Variants in STUM observed in about 807,000 individuals in gnomAD.
STUM encodes the protein stum, mechanosensory transduction mediator homolog.
A neutral mutation model predicts 15.3 loss-of-function variants in STUM; 8 were observed. The ratio of observed to expected loss-of-function variants is 0.52; its 90% CI spans 0.31 to 0.94. The LOEUF (loss-of-function observed/expected upper bound fraction) is 0.94, where lower values mean the gene tolerates loss of function less well. STUM is among the 40% of genes least tolerant of loss of function. The pLI is 0.05. For synonymous variants in STUM, 78 were observed against 88.7 expected (o/e 0.88, Z 0.68); for missense variants, 142 against 204.9 (o/e 0.69, Z 1.87).
At chr1:226,590,598 A>G (rs1335866123) in intron 1 of STUM, among the ~76,000 whole-genome samples, 1 of 151,930 alleles carries the variant, frequency 6.6e-6, no homozygotes, top group Non-Finnish European at 1.5e-5. Context: ...ACTTCCAACC[A>G]CTACTTGAAA....
At chr1:226,557,281 T>C (rs971189015) in intron 1 of STUM, among the ~76,000 whole-genome samples, 14 of 152,364 alleles carry the variant, frequency 9.2e-5, no homozygotes, top group African/African-American at 3.4e-4. Context: ...TTCAGTTCCA[T>C]TCATGTTGTT....
Position 226,575,403 on chromosome 1 carries a change from G to A in STUM, c.203-21399G>A, listed in dbSNP as rs190356912. ...GGTTCCCAGAAAGACAGATTGGCCT[G>A]GTCTGACGCTCCAGCAGGCTGCCCT... On this transcript the variant is annotated intron_variant, in intron 1 of 3. Coordinates refer to ENST00000366788, the MANE Select transcript of STUM (RefSeq NM_001003665.4). Among the ~76,000 whole-genome samples, 5 of 152,378 alleles carry A rather than the reference G, an allele frequency of 3.3e-5. No individual in the cohort carries two copies. In the East Asian group the frequency reaches 9.6e-4, roughly 29 times the overall value.
Position 226,596,921 on chromosome 1 carries a change from A to G in STUM, c.322A>G (p.Ile108Val). 3 of 1,614,214 alleles carry G rather than the reference A, an allele frequency of 1.9e-6. No homozygotes were observed. Among genetic ancestry groups the G allele is most frequent in the Non-Finnish European group, 2.5e-6 (3 of 1,180,034 alleles). ...AGCCCTCATCCAAATCCTCACTGCC[A>G]TCGTCATGGTGGGCTGGATCATGAG... is the stretch of plus-strand genomic sequence containing the variant. ...AAALIQILTAIVMVGWIMSIF... is the reference protein window; with the variant it reads ...AAALIQILTAVVMVGWIMSIF... Residue 108 changes from isoleucine (I) to valine (V), a missense_variant, in exon 2 of 4, where the codon ATC becomes GTC. Ile to Val is a conservative substitution (Grantham distance 29). Coordinates refer to ENST00000366788, the MANE Select transcript of STUM (RefSeq NM_001003665.4).
intron 1 of STUM, among the ~76,000 whole-genome samples, chr1:226,566,546 G>A (rs1021645833): frequency 6.6e-6 from 1 of 152,112 alleles, no homozygotes; most frequent in Non-Finnish European, 1.5e-5. Context: ...TAATAAATTA[G>A]TATTTCAGCA....
At chr1:226,571,209 A>G (rs755391490) in intron 1 of STUM, among the ~76,000 whole-genome samples, 1 of 152,144 alleles carries the variant, frequency 6.6e-6, no homozygotes, top group African/African-American at 2.4e-5. Context: ...CCAGCCTGGG[A>G]GACAGCGTGA....
Position 226,549,084 on chromosome 1 carries a change from C to T in STUM, c.180C>T (p.Leu60=), listed in dbSNP as rs765417069. The change falls in exon 1 of 4, where the codon CTC becomes CTT. Residue 60 remains leucine (L), a synonymous_variant. Transcript: ENST00000366788. This position sits in a 1 kb window ranked among gnomAD's most constrained non-coding sequence, Gnocchi z 6.8. ...PFPVAVICLF[L]NTFVPGLGTF... Reference sequence around the variant, plus strand: ...CCGTGGCCGTCATCTGCCTCTTCCTCAACACTTTCGTGCCGGGACTGGGTA... The same window carrying T: ...CCGTGGCCGTCATCTGCCTCTTCCTTAACACTTTCGTGCCGGGACTGGGTA... The T allele has an allele frequency of 1.9e-6, 3 of 1,580,422 alleles. No individual in the cohort carries two copies. The Admixed American group carries it at 5.4e-5, about 28-fold the overall frequency.
chr1:226,589,789 A>G (rs1258180403), intron 1 of STUM, among the ~76,000 whole-genome samples: 1 of 152,084 alleles, frequency 6.6e-6, no homozygotes, highest in Non-Finnish European at 1.5e-5. Context: ...TCCCCGCTCC[A>G]GCCCTGAGTC....
intron 1 of STUM, among the ~76,000 whole-genome samples, chr1:226,589,750 C>T (rs1668056110): frequency 6.6e-6 from 1 of 152,230 alleles, no homozygotes; most frequent in African/African-American, 2.4e-5. Flanking sequence ...CCAGCCTCAG[C>T]CTCCCTGTCC....
At chr1:226,559,582 G>A (rs1571794397) in intron 1 of STUM, among the ~76,000 whole-genome samples, 1 of 152,156 alleles carries the variant, frequency 6.6e-6, no homozygotes, top group East Asian at 1.9e-4. Flanking sequence ...ATCAATCAAT[G>A]CCTGCCACCA....
intron 1 of STUM, among the ~76,000 whole-genome samples, chr1:226,563,757 C>T (rs576889055): frequency 1.2e-4 from 19 of 152,262 alleles, no homozygotes; most frequent in Admixed American, 5.9e-4. Flanking sequence ...CAACCAGTGA[C>T]TTTGCCATGC....
chr1:226,550,752 G>T (rs1414894343), intron 1 of STUM, among the ~76,000 whole-genome samples: 1 of 152,130 alleles, frequency 6.6e-6, no homozygotes, highest in African/African-American at 2.4e-5. Context: ...AGCTGCCCAC[G>T]CATGTACCTG....
Position 226,567,678 on chromosome 1 carries a change from G to T in STUM, c.202+18572G>T, listed in dbSNP as rs1395883167. ...TTTTCTAATAGCCAAACACACATTG[G>T]AGAAGAAATGACAAATAAAAGCATT... On this transcript the variant is annotated intron_variant, in intron 1 of 3. Coordinates refer to ENST00000366788, the MANE Select transcript of STUM (RefSeq NM_001003665.4). The surrounding 1 kb of genome is among the most constrained non-coding windows in gnomAD (Gnocchi z 4.5). Among the ~76,000 whole-genome samples, 4 of 152,180 alleles carry T rather than the reference G, an allele frequency of 2.6e-5. No individual in the cohort carries two copies. The highest frequency in any genetic ancestry group is 9.7e-5 in the African/African-American group (4 of 41,450).
intron 1 of STUM, among the ~76,000 whole-genome samples, chr1:226,578,439 A>T (rs1202411090): frequency 7.2e-6 from 1 of 139,142 alleles, no homozygotes; most frequent in Non-Finnish European, 1.5e-5. Context: ...ATCACAGGTC[A>T]CTTGCAGCCT....
intron 1 of STUM, among the ~76,000 whole-genome samples, chr1:226,562,876 A>G (rs1266423070): frequency 6.6e-6 from 1 of 152,252 alleles, no homozygotes; most frequent in Non-Finnish European, 1.5e-5. Context: ...GAAATATTGT[A>G]TCAATATTTA....
At chr1:226,589,364 G>T (rs921896595) in intron 1 of STUM, among the ~76,000 whole-genome samples, 2 of 152,182 alleles carry the variant, frequency 1.3e-5, no homozygotes, top group Non-Finnish European at 2.9e-5. Context: ...CTCCCCAGAG[G>T]ACAAGCCCAG....
rs528750106 is a variant in STUM at position 226,595,432 on chromosome 1, C to A, written c.203-1370C>A. ...ACACTCAGAAACAGTGCTCCACCAG[C>A]CGTCTAGGAACCCCTCAATCCCATC... On this transcript the variant is annotated intron_variant, in intron 1 of 3. Transcript: ENST00000366788. Among the ~76,000 whole-genome samples, 5 of 152,292 alleles carry A rather than the reference C, an allele frequency of 3.3e-5. No homozygotes were observed. In the South Asian group the frequency reaches 1.0e-3, roughly 32 times the overall value.
At position 226,549,020 on chromosome 1, in the gene STUM, A is replaced by T; in HGVS notation, c.116A>T (p.Lys39Met). ...SGVVVQVREK[K>M]GPLRAAIPYM... Reference sequence around the variant, plus strand: ...GTGGTGGTGCAGGTCCGCGAGAAGAAGGGCCCCCTGCGCGCCGCCATCCCC... The same window carrying T: ...GTGGTGGTGCAGGTCCGCGAGAAGATGGGCCCCCTGCGCGCCGCCATCCCC... Residue 39 changes from lysine (K) to methionine (M), a missense_variant, in exon 1 of 4, where the codon AAG becomes ATG. Physicochemically the swap from Lys to Met is moderately conservative, Grantham distance 95. Transcript: ENST00000366788. The surrounding 1 kb of genome is among the most constrained non-coding windows in gnomAD (Gnocchi z 6.8). 1 of 1,580,824 alleles carries T rather than the reference A, an allele frequency of 6.3e-7. No individual in the cohort carries two copies. Among genetic ancestry groups the T allele is most frequent in the Non-Finnish European group, 8.6e-7 (1 of 1,166,858 alleles).
intron 2 of STUM, among the ~76,000 whole-genome samples, chr1:226,599,382 G>A (rs1282419485): frequency 6.6e-6 from 1 of 152,196 alleles, no homozygotes; most frequent in African/African-American, 2.4e-5. Flanking sequence ...ATGAGATGGT[G>A]CTATAGGTGG....
intron 1 of STUM, among the ~76,000 whole-genome samples, chr1:226,577,632 A>G (rs986303034): frequency 4.6e-5 from 7 of 152,230 alleles, no homozygotes; most frequent in African/African-American, 1.7e-4. Context: ...GAAAGCTGAG[A>G]GCCCCTCGGG....
Sources: gnomAD v4.1 joint callset for allele counts (sites outside exome capture counted in the v4.1 genomes callset) on GRCh38, gnomAD v4.1.1 for gene constraint, Gnocchi (gnomAD v3.1) non-coding constraint, MANE v1.5 for transcripts, NCBI Gene and HGNC (gene_info 2026-07-23, HGNC 2026-07-21) for gene names.